OSBPL9: variants seen among roughly 807,000 people sequenced by gnomAD.
OSBPL9 encodes the protein oxysterol binding protein like 9, also known as oxysterol-binding protein-related protein 9.
In OSBPL9, 40 loss-of-function variants were observed where a neutral mutation model predicts 106.6. That is an observed-to-expected ratio of 0.38 (90% CI 0.29 to 0.49). The LOEUF is 0.49. Among genes scored for constraint, OSBPL9 ranks in the 20% least tolerant of loss-of-function variants. OSBPL9 has a pLI of 0.97. For missense variants in OSBPL9, 609 were observed against 887.2 expected, an observed-to-expected ratio of 0.69 and a Z score of 3.98; for synonymous variants, 269 against 295.4, an observed-to-expected ratio of 0.91 and a Z score of 0.92.
chr1:51,534,041 C>T, the OSBPL9 span, among the ~76,000 whole-genome samples: 1 of 151,696 alleles, frequency 6.6e-6, no homozygotes, highest in African/African-American at 2.4e-5. Flanking sequence ...CCCATCTCTA[C>T]TAAAAATATA....
intron 1 of OSBPL9, among the ~76,000 whole-genome samples, chr1:51,647,835 C>T (rs540465207): frequency 6.6e-6 from 1 of 152,154 alleles, no homozygotes; most frequent in Non-Finnish European, 1.5e-5. Context: ...CAACTTTTGG[C>T]TAGGCACAGT....
At chr1:51,539,195 T>C in the OSBPL9 span, among the ~76,000 whole-genome samples, 3 of 152,220 alleles carry the variant, frequency 2.0e-5, no homozygotes, top group South Asian at 2.1e-4. Flanking sequence ...ATATCTAAAA[T>C]AGAACTCCTA....
the OSBPL9 span, among the ~76,000 whole-genome samples, chr1:51,534,730 A>G: frequency 6.6e-6 from 1 of 152,238 alleles, no homozygotes; most frequent in Non-Finnish European, 1.5e-5. Flanking sequence ...TTATTATGTC[A>G]TTTGAAAATA....
chr1:51,670,973 G>A (rs771176054), intron 3 of OSBPL9, among the ~76,000 whole-genome samples: 4 of 152,150 alleles, frequency 2.6e-5, no homozygotes, highest in Non-Finnish European at 5.9e-5. Flanking sequence ...TGGACCCTCA[G>A]AAGCTGTACC....
chr1:51,753,259 C>T (rs1000716975), intron 8 of OSBPL9, among the ~76,000 whole-genome samples: 3 of 152,056 alleles, frequency 2.0e-5, no homozygotes, highest in Admixed American at 2.0e-4. Flanking sequence ...AGTTTGAATC[C>T]AAGCCCCACC....
At chr1:51,716,098 A>G (rs901388302) in intron 4 of OSBPL9, among the ~76,000 whole-genome samples, 2 of 152,264 alleles carry the variant, frequency 1.3e-5, no homozygotes, top group Admixed American at 6.5e-5. Flanking sequence ...GTCTTTGGGA[A>G]TAATGGGCAG....
chr1:51,612,412 A>C (rs1458156261), upstream of OSBPL9, among the ~76,000 whole-genome samples: 1 of 152,116 alleles, frequency 6.6e-6, no homozygotes, highest in Non-Finnish European at 1.5e-5. Flanking sequence ...CATTGACTCT[A>C]CCTTTCAGTT....
At chr1:51,736,124 A>G (rs978564355) in intron 4 of OSBPL9, among the ~76,000 whole-genome samples, 4 of 152,096 alleles carry the variant, frequency 2.6e-5, no homozygotes, top group African/African-American at 9.7e-5. Flanking sequence ...AGGACTTGCT[A>G]CAAACCAAAC....
chr1:51,590,499 AT>A (rs921003434), intron 1 of OSBPL9, among the ~76,000 whole-genome samples: 2 of 151,460 alleles, frequency 1.3e-5, no homozygotes, highest in African/African-American at 4.8e-5. Flanking sequence ...GGGCACCTGT[AT>A]TCCCAGCTAC....
At chr1:51,691,902 C>G (rs900557846) in intron 3 of OSBPL9, among the ~76,000 whole-genome samples, 1 of 152,136 alleles carries the variant, frequency 6.6e-6, no homozygotes, top group South Asian at 2.1e-4. Context: ...AGGCATAGAG[C>G]TATCATCTCC....
At chr1:51,642,228 T>TA (rs1403829739) in intron 1 of OSBPL9, among the ~76,000 whole-genome samples, 1 of 152,224 alleles carries the variant, frequency 6.6e-6, no homozygotes, top group South Asian at 2.1e-4. Context: ...TAGCTGTACT[T>TA]ACGTGTCTCC....
At chr1:51,604,337 C>T (rs1189683609) in intron 2 of OSBPL9, among the ~76,000 whole-genome samples, 3 of 152,048 alleles carry the variant, frequency 2.0e-5, no homozygotes, top group Non-Finnish European at 4.4e-5. Context: ...GGGTGGATCA[C>T]CTGAGGTCAG....
At chr1:51,778,896 T>C (rs914337075) in intron 15 of OSBPL9, among the ~76,000 whole-genome samples, 3 of 152,218 alleles carry the variant, frequency 2.0e-5, no homozygotes, top group African/African-American at 7.2e-5. Context: ...GAAGTCTTAA[T>C]AAATTTAAAA....
At chr1:51,687,519 T>A (rs1322677083) in intron 3 of OSBPL9, among the ~76,000 whole-genome samples, 1 of 152,120 alleles carries the variant, frequency 6.6e-6, no homozygotes, top group African/African-American at 2.4e-5. Flanking sequence ...ATGTTTGATG[T>A]GGGTTTTGAA....
intron 4 of OSBPL9, among the ~76,000 whole-genome samples, chr1:51,726,501 T>C (rs555171350): frequency 6.6e-6 from 1 of 152,136 alleles, no homozygotes; most frequent in Non-Finnish European, 1.5e-5. Flanking sequence ...AGGTAAACAT[T>C]ATTGGGCTCC....
intron 1 of OSBPL9, among the ~76,000 whole-genome samples, chr1:51,628,953 C>G (rs769593766): frequency 6.6e-6 from 1 of 152,126 alleles, no homozygotes; most frequent in Non-Finnish European, 1.5e-5. Context: ...GCTGGGATTA[C>G]AGGCCTGAGC....
intron 3 of OSBPL9, among the ~76,000 whole-genome samples, chr1:51,705,680 G>A (rs1658398062): frequency 6.6e-6 from 1 of 151,860 alleles, no homozygotes; most frequent in East Asian, 1.9e-4. Context: ...CTCCCAAAGT[G>A]CTGGGATTAC....
intron 12 of OSBPL9, among the ~76,000 whole-genome samples, chr1:51,771,497 G>T (rs988636100): frequency 7.9e-5 from 12 of 151,478 alleles, no homozygotes; most frequent in African/African-American, 2.2e-4. Context: ...GCGTGTGCGC[G>T]CACACACACA....
chr1:51,708,020 T>C, intron 3 of OSBPL9: 1 of 230,632 alleles, frequency 4.3e-6, no homozygotes, highest in Non-Finnish European at 9.0e-6. Context: ...ATGTAGACCA[T>C]GTAGTTGAGG....
Sources: gnomAD v4.1 joint callset for allele counts (sites outside exome capture counted in the v4.1 genomes callset) on GRCh38, gnomAD v4.1.1 for gene constraint, MANE v1.5 for transcripts, NCBI Gene and HGNC (gene_info 2026-07-23, HGNC 2026-07-21) for gene names.